The following MTUS2 variants were observed in gnomAD, a reference collection of about 807,000 sequenced individuals.
MTUS2 encodes the protein microtubule-associated tumor suppressor candidate 2.
In MTUS2, 40 loss-of-function variants were observed where a neutral mutation model predicts 114.1. The observed-to-expected ratio is 0.35, with a 90% CI of 0.27 to 0.46. MTUS2 has a LOEUF of 0.46. MTUS2 is among the 20% of genes least tolerant of loss of function. The pLI is 1.00. For missense variants in MTUS2, 1,679 were observed against 1,705.4 expected (o/e 0.98, Z 0.27); for synonymous variants, 688 against 672.0 (o/e 1.02, Z -0.37).
intron 2 of MTUS2, among the ~76,000 whole-genome samples, chr13:28,918,439 C>A (rs955336474): frequency 6.6e-6 from 1 of 151,928 alleles, no homozygotes; most frequent in African/African-American, 2.4e-5. Flanking sequence ...TCTCTTCTTA[C>A]AGTTTTTGTC....
At chr13:29,177,931 T>G (rs1005862553) in intron 5 of MTUS2, among the ~76,000 whole-genome samples, 23 of 152,190 alleles carry the variant, frequency 1.5e-4, no homozygotes, top group Non-Finnish European at 2.9e-4. Flanking sequence ...TTGCTTGCTT[T>G]CTTTTCCAGG....
chr13:29,407,448 T>G (rs951909913), intron 8 of MTUS2, among the ~76,000 whole-genome samples: 2 of 30,118 alleles, frequency 6.6e-5, no homozygotes, highest in Non-Finnish European at 1.5e-4. Flanking sequence ...GTGATTGTAC[T>G]TATTTATTTA....
Position 29,488,216 on chromosome 13 carries a change from C to T in MTUS2, c.3505+211C>T. 3 of 566,268 alleles carry T rather than the reference C, an allele frequency of 5.3e-6. No individual in the cohort carries two copies. In the East Asian group the frequency reaches 9.0e-5, roughly 17 times the overall value. The allele number at this position is 566,268 out of a possible 1,614,324, so 35.1% of individuals were successfully genotyped here. A position where few individuals can be genotyped will look rare whatever the true frequency, so the allele number is the denominator to read the frequency against. On this transcript the variant is annotated intron_variant, in intron 11 of 15. Coordinates refer to ENST00000612955, the MANE Select transcript of MTUS2 (RefSeq NM_001033602.4). ...TGCTTCTTTCCTCCAATGCAGTTAT[C>T]CTCAACCTTGATGAATACTGGAATT...
At chr13:29,394,193 ACACT>A (rs1873728885) in intron 8 of MTUS2, among the ~76,000 whole-genome samples, 1 of 152,194 alleles carries the variant, frequency 6.6e-6, no homozygotes, top group Admixed American at 6.5e-5. Flanking sequence ...GGCTCGAGGC[ACACT>A]CTCATAATGT....
At chr13:29,005,546 A>C (rs1296276599) in intron 2 of MTUS2, among the ~76,000 whole-genome samples, 2 of 152,130 alleles carry the variant, frequency 1.3e-5, no homozygotes, top group Non-Finnish European at 2.9e-5. Context: ...AGTCGGGAGG[A>C]AGCATATACA....
At chr13:29,465,810 T>C (rs1453699621) in intron 9 of MTUS2, among the ~76,000 whole-genome samples, 1 of 152,234 alleles carries the variant, frequency 6.6e-6, no homozygotes, top group Non-Finnish European at 1.5e-5. Flanking sequence ...AAGGTTGCAT[T>C]ACCTTCATTT....
intron 6 of MTUS2, among the ~76,000 whole-genome samples, chr13:29,285,697 A>C (rs1254415249): frequency 1.3e-5 from 2 of 152,218 alleles, no homozygotes; most frequent in African/African-American, 4.8e-5. Context: ...AGCAACAACA[A>C]CACAAAGTGT....
At chr13:29,044,756 T>C (rs1245558808) in intron 4 of MTUS2, among the ~76,000 whole-genome samples, 1 of 152,246 alleles carries the variant, frequency 6.6e-6, no homozygotes, top group Admixed American at 6.5e-5. Context: ...CATCCAGATG[T>C]GGCTTAACTT....
At chr13:29,356,102 T>C (rs1178043647) in intron 7 of MTUS2, among the ~76,000 whole-genome samples, 1 of 151,866 alleles carries the variant, frequency 6.6e-6, no homozygotes, top group Non-Finnish European at 1.5e-5. Flanking sequence ...CCAGAAACAA[T>C]AGAAATACTT....
chr13:29,321,103 A>G (rs1317844541), intron 6 of MTUS2, among the ~76,000 whole-genome samples: 1 of 152,160 alleles, frequency 6.6e-6, no homozygotes, highest in Non-Finnish European at 1.5e-5. Context: ...GGATCCCAGG[A>G]GAGGTATCTG....
chr13:29,481,247 A>T (rs1308123950), intron 10 of MTUS2, among the ~76,000 whole-genome samples: 1 of 152,194 alleles, frequency 6.6e-6, no homozygotes, highest in Non-Finnish European at 1.5e-5. Context: ...ATTCCCAGGG[A>T]GCTTGTCAGT....
intron 8 of MTUS2, among the ~76,000 whole-genome samples, chr13:29,366,446 G>T (rs893146103): frequency 6.6e-6 from 1 of 152,104 alleles, no homozygotes; most frequent in African/African-American, 2.4e-5. Context: ...TGAGATTTGG[G>T]TGGGGACACA....
intron 2 of MTUS2, among the ~76,000 whole-genome samples, chr13:28,968,351 C>G (rs1310433827): frequency 1.3e-5 from 2 of 152,084 alleles, no homozygotes; most frequent in Non-Finnish European, 1.5e-5. Flanking sequence ...AAAATGTATT[C>G]TGTTTCCCTA....
intron 6 of MTUS2, among the ~76,000 whole-genome samples, chr13:29,290,772 G>A (rs1050496450): frequency 1.6e-4 from 24 of 152,226 alleles, no homozygotes; most frequent in African/African-American, 5.8e-4. Context: ...CTGCTCACGA[G>A]TTTAGTTGTC....
chr13:29,097,285 AT>A (rs1277832386), intron 4 of MTUS2, among the ~76,000 whole-genome samples: 4 of 152,156 alleles, frequency 2.6e-5, no homozygotes, highest in Non-Finnish European at 4.4e-5. Context: ...TCATAGAACA[AT>A]TTCTGGAAAC....
intron 9 of MTUS2, among the ~76,000 whole-genome samples, chr13:29,471,983 G>A (rs911211173): frequency 2.0e-5 from 3 of 152,090 alleles, no homozygotes; most frequent in Non-Finnish European, 4.4e-5. Context: ...GATGACAAGA[G>A]TCCCAGTGAC....
intron 8 of MTUS2, among the ~76,000 whole-genome samples, chr13:29,430,024 A>G (rs1876870998): frequency 6.6e-6 from 1 of 152,238 alleles, no homozygotes. Flanking sequence ...AGTATGAACT[A>G]AAATATTTAT....
chr13:29,310,924 C>G (rs1899726563), intron 6 of MTUS2, among the ~76,000 whole-genome samples: 1 of 152,156 alleles, frequency 6.6e-6, no homozygotes, highest in African/African-American at 2.4e-5. Context: ...ATGGACAAGC[C>G]TGTTCAAAGC....
intron 4 of MTUS2, among the ~76,000 whole-genome samples, chr13:29,082,831 G>A (rs1889505428): frequency 6.6e-6 from 1 of 152,112 alleles, no homozygotes; most frequent in African/African-American, 2.4e-5. Context: ...TGTATCAGAA[G>A]TCCAGGGGTA....
Sources: gnomAD v4.1 joint callset for allele counts (sites outside exome capture counted in the v4.1 genomes callset) on GRCh38, gnomAD v4.1.1 for gene constraint, MANE v1.5 for transcripts, NCBI Gene and HGNC (gene_info 2026-07-23, HGNC 2026-07-21) for gene names.